Variants in CNTN3 observed in about 807,000 individuals in gnomAD.
CNTN3 encodes the protein contactin-3.
A neutral mutation model predicts 119.1 loss-of-function variants in CNTN3; 60 were observed. That is an observed-to-expected ratio of 0.50 (90% confidence interval 0.41 to 0.62). The LOEUF (loss-of-function observed/expected upper bound fraction) is 0.62, where lower values mean the gene tolerates loss of function less well. Ranked by LOEUF, CNTN3 falls within the 20% of genes least tolerant of loss-of-function variation. The probability of loss-of-function intolerance (pLI) is 0.00; values close to 1 mark genes in which losing one functional copy is unlikely to be tolerated. For missense variants in CNTN3, 1,101 were observed against 1,242.4 expected (o/e 0.89, Z 1.71); for synonymous variants, 450 against 438.7 (o/e 1.03, Z -0.32).
intron 4 of CNTN3, among the ~76,000 whole-genome samples, chr3:74,433,187 C>CG (rs1200897865): frequency 6.6e-6 from 1 of 152,066 alleles, no homozygotes; most frequent in Non-Finnish European, 1.5e-5. Flanking sequence ...AGATGGGAGT[C>CG]GGGGGTATAC....
intron 5 of CNTN3, among the ~76,000 whole-genome samples, chr3:74,424,494 G>GAGAA (rs1431592900): frequency 6.6e-6 from 1 of 151,400 alleles, no homozygotes; most frequent in Non-Finnish European, 1.5e-5. Flanking sequence ...GAGAGAGAGA[G>GAGAA]AGAAAGAGAG....
chr3:74,556,602 GTGTACAAGTTTT>G (rs1195712349), intron 1 of CNTN3, among the ~76,000 whole-genome samples: 18 of 152,068 alleles, frequency 1.2e-4, no homozygotes, highest in Admixed American at 1.2e-3. Flanking sequence ...ATGAACATTT[GTGTACAAGTTTT>G]TGCATGGATG....
chr3:74,302,290 G>A (rs1366546477), intron 14 of CNTN3, among the ~76,000 whole-genome samples: 1 of 152,132 alleles, frequency 6.6e-6, no homozygotes, highest in Admixed American at 6.5e-5. Flanking sequence ...AATTTTCTCA[G>A]TCATTCTGAA....
At chr3:74,296,371 A>C (rs1172717536) in intron 18 of CNTN3, among the ~76,000 whole-genome samples, 1 of 152,114 alleles carries the variant, frequency 6.6e-6, no homozygotes, top group East Asian at 1.9e-4. Context: ...AACTCCCTGG[A>C]TAATGGCCAT....
intron 13 of CNTN3, among the ~76,000 whole-genome samples, chr3:74,321,704 A>G (rs1329502060): frequency 3.3e-5 from 5 of 152,190 alleles, no homozygotes; most frequent in Non-Finnish European, 7.3e-5. Flanking sequence ...AGAAATTAAA[A>G]AGGAAACATC....
rs531030502 is a variant in CNTN3 at position 74,441,229 on chromosome 3, A to G, written c.359-16289T>C. Among the ~76,000 whole-genome samples, 4 of 152,292 alleles carry G rather than the reference A, an allele frequency of 2.6e-5. No homozygotes were observed. In the East Asian group the frequency reaches 7.7e-4, roughly 29 times the overall value. On this transcript the variant is annotated intron_variant, in intron 4 of 22. Coordinates refer to ENST00000263665, the MANE Select transcript of CNTN3 (RefSeq NM_020872.3). Reference sequence around the variant, plus strand: ...CTAATATACAGTTTTTTGAGAAAAGAAAGTCATATATTTTATCATTTTAAC... The same window carrying G: ...CTAATATACAGTTTTTTGAGAAAAGGAAGTCATATATTTTATCATTTTAAC...
At chr3:74,497,782 G>A (rs1480674907) in intron 3 of CNTN3, among the ~76,000 whole-genome samples, 2 of 151,716 alleles carry the variant, frequency 1.3e-5, no homozygotes, top group African/African-American at 4.8e-5. Flanking sequence ...ATAAATGCCA[G>A]GATGACATCC....
At chr3:74,399,676 C>T (rs1024758880) in intron 5 of CNTN3, among the ~76,000 whole-genome samples, 1 of 152,198 alleles carries the variant, frequency 6.6e-6, no homozygotes, top group African/African-American at 2.4e-5. Flanking sequence ...ATTGCTGGGT[C>T]GAATGGTATT....
chr3:74,417,123 G>T (rs750813402), intron 5 of CNTN3, among the ~76,000 whole-genome samples: 9 of 152,154 alleles, frequency 5.9e-5, no homozygotes, highest in Non-Finnish European at 1.2e-4. Flanking sequence ...CTTCCTTGAA[G>T]TTCTGTTAGG....
Position 74,369,384 on chromosome 3 carries a change from A to G in CNTN3, c.762-11T>C. On this transcript the variant is annotated splice_polypyrimidine_tract_variant and intron_variant, in intron 7 of 22. Transcript: ENST00000263665. ...ATCTGAGGTATGGGACTAAGAAGAAAATCGTCAAGTTGTCTGCTATTGTCT... is the reference window on the plus strand; with the variant it reads ...ATCTGAGGTATGGGACTAAGAAGAAGATCGTCAAGTTGTCTGCTATTGTCT... The G allele has an allele frequency of 6.3e-7, 1 of 1,576,816 alleles. No individual in the cohort carries two copies. The highest frequency in any genetic ancestry group is 1.2e-5 in the South Asian group (1 of 85,258).
chr3:74,494,641 T>A (rs1384091214), intron 3 of CNTN3, among the ~76,000 whole-genome samples: 2 of 152,102 alleles, frequency 1.3e-5, no homozygotes, highest in Non-Finnish European at 2.9e-5. Context: ...TCTGACCCTG[T>A]GATCCTTCAT....
intron 20 of CNTN3, among the ~76,000 whole-genome samples, chr3:74,268,367 C>T (rs984399061): frequency 1.3e-5 from 2 of 152,112 alleles, no homozygotes; most frequent in Non-Finnish European, 2.9e-5. Flanking sequence ...GATTTAACCA[C>T]AGAATGTGAT....
At chr3:74,463,367 AG>A (rs1181990520) in intron 4 of CNTN3, among the ~76,000 whole-genome samples, 1 of 152,164 alleles carries the variant, frequency 6.6e-6, no homozygotes, top group African/African-American at 2.4e-5. Context: ...TGTTAGTAAA[AG>A]TGAAAGAAGA....
intron 4 of CNTN3, among the ~76,000 whole-genome samples, chr3:74,451,244 T>C (rs1446767550): frequency 2.6e-5 from 4 of 152,174 alleles, no homozygotes; most frequent in South Asian, 2.1e-4. Context: ...CGGTTTTGAT[T>C]TGCATTTCTC....
chr3:74,276,019 T>C (rs1341998695), intron 20 of CNTN3, among the ~76,000 whole-genome samples: 1 of 152,098 alleles, frequency 6.6e-6, no homozygotes, highest in Non-Finnish European at 1.5e-5. Context: ...AAACAAACTT[T>C]AATGAAACTG....
intron 2 of CNTN3, among the ~76,000 whole-genome samples, chr3:74,502,354 T>A (rs1365756024): frequency 6.6e-6 from 1 of 152,106 alleles, no homozygotes; most frequent in African/African-American, 2.4e-5. Flanking sequence ...GCCCATCCTA[T>A]CATTATCTAA....
At chr3:74,444,436 C>G (rs932387532) in intron 4 of CNTN3, among the ~76,000 whole-genome samples, 1 of 152,136 alleles carries the variant, frequency 6.6e-6, no homozygotes, top group Non-Finnish European at 1.5e-5. Context: ...TTCAGAGGGC[C>G]TGAGCAGTAG....
intron 1 of CNTN3, among the ~76,000 whole-genome samples, chr3:74,585,326 T>C (rs1704576043): frequency 6.6e-6 from 1 of 152,188 alleles, no homozygotes; most frequent in Non-Finnish European, 1.5e-5. Context: ...AATTGAAGTA[T>C]GTAATTCATA....
intron 4 of CNTN3, among the ~76,000 whole-genome samples, chr3:74,449,608 T>C (rs978298798): frequency 6.6e-6 from 1 of 152,092 alleles, no homozygotes. Context: ...ACCAGTGATC[T>C]GAGGACCACA....
Sources: gnomAD v4.1 joint callset for allele counts (sites outside exome capture counted in the v4.1 genomes callset) on GRCh38, gnomAD v4.1.1 for gene constraint, MANE v1.5 for transcripts, NCBI Gene and HGNC (gene_info 2026-07-23, HGNC 2026-07-21) for gene names.